Variants in ASB5 observed in about 807,000 individuals in gnomAD.
ASB5 encodes ankyrin repeat and SOCS box protein 5.
In ASB5, 45 loss-of-function variants were observed where a neutral mutation model predicts 42.1. The ratio of observed to expected loss-of-function variants is 1.07; its 90% CI spans 0.84 to 1.37. The LOEUF (loss-of-function observed/expected upper bound fraction) is 1.37. Among genes scored for constraint, ASB5 ranks in the 40% most tolerant of loss-of-function variants. The pLI, the probability that ASB5 is intolerant of heterozygous loss-of-function variation, is 0.00. For synonymous variants in ASB5, 147 were observed against 150.6 expected (o/e 0.98, Z 0.18); for missense variants, 402 against 399.8 (o/e 1.01, Z -0.05).
At chr4:176,232,062 C>T (rs1753560129) in intron 1 of ASB5, among the ~76,000 whole-genome samples, 1 of 151,374 alleles carries the variant, frequency 6.6e-6, no homozygotes, top group Non-Finnish European at 1.5e-5. Context: ...ATAACATGTT[C>T]ATTTCAGTAA....
chr4:176,237,600 C>G, intron 1 of ASB5: 1 of 984,044 alleles, frequency 1.0e-6, no homozygotes, highest in East Asian at 1.1e-4. Flanking sequence ...ACACTTGGAT[C>G]AGGGCTGGTA....
intron 2 of ASB5, among the ~76,000 whole-genome samples, chr4:176,224,308 C>T (rs576529636): frequency 7.2e-6 from 1 of 138,754 alleles, no homozygotes; most frequent in East Asian, 2.3e-4. Flanking sequence ...GAACTTGGCT[C>T]ACGGCAACCT....
upstream of ASB5, among the ~76,000 whole-genome samples, chr4:176,273,377 G>A (rs900283499): frequency 2.0e-5 from 3 of 151,964 alleles, no homozygotes; most frequent in Non-Finnish European, 4.4e-5. Flanking sequence ...TATGCAAGTT[G>A]TCACGGTAAT....
At chr4:176,253,391 A>G (rs1474309527) in intron 1 of ASB5, among the ~76,000 whole-genome samples, 1 of 152,230 alleles carries the variant, frequency 6.6e-6, no homozygotes. Context: ...AGTTTCAAAC[A>G]TAGCTTTTAA....
At chr4:176,223,418 C>T (rs958471668) in intron 2 of ASB5, among the ~76,000 whole-genome samples, 2 of 152,130 alleles carry the variant, frequency 1.3e-5, no homozygotes, top group Non-Finnish European at 2.9e-5. Context: ...TAAGTAAACA[C>T]TTTTTCACTG....
At chr4:176,235,304 T>C (rs1753657714) in intron 1 of ASB5, among the ~76,000 whole-genome samples, 1 of 152,156 alleles carries the variant, frequency 6.6e-6, no homozygotes, top group Admixed American at 6.6e-5. Context: ...ATAAGTGAAA[T>C]TTGACATACA....
intron 1 of ASB5, among the ~76,000 whole-genome samples, chr4:176,232,133 T>A (rs1330635072): frequency 1.3e-5 from 2 of 151,178 alleles, no homozygotes; most frequent in Admixed American, 6.6e-5. Context: ...ATATACTTTT[T>A]TTTTTTGAGT....
chr4:176,270,818 A>G (rs764333644), upstream of ASB5, among the ~76,000 whole-genome samples: 1 of 152,174 alleles, frequency 6.6e-6, no homozygotes, highest in Non-Finnish European at 1.5e-5. Flanking sequence ...CTGACTCCAC[A>G]CTAGAGAGGT....
chr4:176,258,051 A>G (rs746940077), intron 1 of ASB5, among the ~76,000 whole-genome samples: 2 of 152,222 alleles, frequency 1.3e-5, no homozygotes, highest in African/African-American at 4.8e-5. Context: ...TAATGTTACT[A>G]TCTTTTCCTA....
chr4:176,243,552 G>T (rs1258629824), intron 1 of ASB5, among the ~76,000 whole-genome samples: 1 of 151,758 alleles, frequency 6.6e-6, no homozygotes, highest in African/African-American at 2.4e-5. Context: ...GCCCAGGCTG[G>T]AGTGCGATGG....
intron 1 of ASB5, among the ~76,000 whole-genome samples, chr4:176,236,669 T>A (rs1417962412): frequency 6.6e-6 from 1 of 152,218 alleles, no homozygotes; most frequent in Admixed American, 6.5e-5. Flanking sequence ...AATATAACTC[T>A]TACAATCTTG....
In ASB5 at chr4:176,241,508, G is replaced by C. The variant is rs1439579124; in HGVS notation, c.197-16167C>G. The C allele has an allele frequency of 2.0e-6, 3 of 1,535,292 alleles. No homozygotes were observed. In the African/African-American group the frequency reaches 4.1e-5, roughly 21 times the overall value. On this transcript the variant is annotated intron_variant, in intron 1 of 6. Coordinates refer to ENST00000296525, the MANE Select transcript of ASB5 (RefSeq NM_080874.4). ...CATTGCAAAGAGGCATCTGGAAGGG[G>C]CCATTATTCAGTTCTCAGAGGCTGT...
At position 176,216,817 on chromosome 4, in the gene ASB5, C is replaced by T. The variant is rs773524478; in HGVS notation, c.862+1G>A. 5.1e-6 allele frequency: 8 copies of T among 1,559,124 alleles called. No homozygotes were observed. In the South Asian group the frequency reaches 7.4e-5, roughly 14 times the overall value. On this transcript the variant is annotated splice_donor_variant, in intron 6 of 6. Transcript: ENST00000296525. LOFTEE classifies it high-confidence loss of function. ...TAAGTTTCCACATGTATTTTTCTTA[C>T]CTTCATGTTGAAGCAATATCCTTTC... is the stretch of plus-strand genomic sequence containing the variant.
chr4:176,238,380 C>A (rs1037503846), intron 1 of ASB5, among the ~76,000 whole-genome samples: 1 of 152,062 alleles, frequency 6.6e-6, no homozygotes, highest in Non-Finnish European at 1.5e-5. Flanking sequence ...AATCAAAAGA[C>A]GTCAGCAGTC....
At chr4:176,227,450 G>A (rs1355861926) in intron 1 of ASB5, among the ~76,000 whole-genome samples, 1 of 152,180 alleles carries the variant, frequency 6.6e-6, no homozygotes, top group African/African-American at 2.4e-5. Context: ...CCAGGCTGGA[G>A]TAACAACAAT....
At position 176,225,310 on chromosome 4, in the gene ASB5, T is replaced by C; in HGVS notation, c.228A>G (p.Glu76=). The C allele has an allele frequency of 6.2e-7, 1 of 1,614,094 alleles. No individual in the cohort carries two copies. Among genetic ancestry groups the C allele is most frequent in the Non-Finnish European group, 8.5e-7 (1 of 1,180,002 alleles). The part of the protein sequence containing the change: ...GSWADRSPLH[E]AASQGRLLAL... ...CAAGAAGGCGACCTTGACTTGCTGC[T>C]TCATGTAGTGGTGATCGATCTGCCC... The change falls in exon 2 of 7, where the codon GAA becomes GAG. Residue 76 remains glutamate (E), a synonymous_variant. Coordinates refer to ENST00000296525, the MANE Select transcript of ASB5 (RefSeq NM_080874.4).
At chr4:176,231,217 G>T (rs1303794600) in intron 1 of ASB5, among the ~76,000 whole-genome samples, 1 of 107,212 alleles carries the variant, frequency 9.3e-6, no homozygotes, top group Non-Finnish European at 1.9e-5. Context: ...AGGTAAATCC[G>T]ACTCATAATT....
At chr4:176,232,139 T>G (rs1753564647) in intron 1 of ASB5, among the ~76,000 whole-genome samples, 1 of 150,928 alleles carries the variant, frequency 6.6e-6, no homozygotes, top group East Asian at 1.9e-4. Context: ...TTTTTTTTTT[T>G]GAGTTGGAGT....
chr4:176,260,756 C>A (rs1754252806), intron 1 of ASB5, among the ~76,000 whole-genome samples: 1 of 152,184 alleles, frequency 6.6e-6, no homozygotes, highest in African/African-American at 2.4e-5. Flanking sequence ...CGGCTCACTG[C>A]AACTTCCGCC....
Sources: gnomAD v4.1 joint callset for allele counts (sites outside exome capture counted in the v4.1 genomes callset) on GRCh38, gnomAD v4.1.1 for gene constraint, MANE v1.5 for transcripts, NCBI Gene and HGNC (gene_info 2026-07-23, HGNC 2026-07-21) for gene names.